The following CFAP61 variants were observed in gnomAD, a reference collection of about 807,000 sequenced individuals.
The protein encoded by CFAP61 is cilia- and flagella-associated protein 61.
CFAP61 carries 107 observed loss-of-function variants against 135.6 expected under a neutral mutation model. The observed-to-expected ratio is 0.79, with a 90% CI of 0.67 to 0.93. The LOEUF (loss-of-function observed/expected upper bound fraction) is 0.93. Among genes scored for constraint, CFAP61 ranks in the 40% least tolerant of loss-of-function variants. CFAP61 has a pLI of 0.00. For synonymous variants in CFAP61, 575 were observed against 578.5 expected, an observed-to-expected ratio of 0.99 and a Z score of 0.09; for missense variants, 1,507 against 1,556.2, an observed-to-expected ratio of 0.97 and a Z score of 0.53.
chr20:20,189,315 C>T (rs964143982), intron 14 of CFAP61, among the ~76,000 whole-genome samples: 1 of 152,100 alleles, frequency 6.6e-6, no homozygotes, highest in African/African-American at 2.4e-5. Context: ...TCCCTCCTGG[C>T]CCTCTAAGTG....
chr20:20,294,684 T>C (rs2055267368), intron 24 of CFAP61, among the ~76,000 whole-genome samples: 2 of 151,536 alleles, frequency 1.3e-5, no homozygotes, highest in East Asian at 1.9e-4. Context: ...ATCCCAGCAC[T>C]TTGGGAGGCC....
intron 8 of CFAP61, among the ~76,000 whole-genome samples, chr20:20,112,955 TG>T (rs2048898601): frequency 6.6e-6 from 1 of 152,192 alleles, no homozygotes; most frequent in South Asian, 2.1e-4. Flanking sequence ...TGATTTTCAT[TG>T]GGTGTGATTA....
intron 6 of CFAP61, among the ~76,000 whole-genome samples, chr20:20,086,305 A>C (rs1354516656): frequency 8.0e-6 from 1 of 125,388 alleles, no homozygotes; most frequent in Admixed American, 7.8e-5. Flanking sequence ...TCCTAATGCT[A>C]TCCCTCCCCC....
rs541470489 is a variant in CFAP61, at chr20:20,109,998, C to A, written c.859+11184C>A. 3.3e-5 allele frequency among the ~76,000 whole-genome samples: 5 copies of A among 152,094 alleles called. No homozygotes were observed. The South Asian group carries it at 6.2e-4, about 19-fold the overall frequency. ...CTCGGCTCACTGCAACCTCCGCCTC[C>A]CAGGTTCAAGTGATTCTCCTGTCTC... On this transcript the variant is annotated intron_variant, in intron 8 of 26. Coordinates refer to ENST00000245957, the MANE Select transcript of CFAP61 (RefSeq NM_015585.4).
intron 22 of CFAP61, among the ~76,000 whole-genome samples, chr20:20,277,986 A>G (rs779954227): frequency 2.0e-5 from 3 of 152,226 alleles, no homozygotes; most frequent in Non-Finnish European, 4.4e-5. Flanking sequence ...TCTGAAATCA[A>G]GCAGCATTCC....
At chr20:20,313,968 C>G (rs528692486) in intron 25 of CFAP61, among the ~76,000 whole-genome samples, 1 of 152,266 alleles carries the variant, frequency 6.6e-6, no homozygotes, top group South Asian at 2.1e-4. Context: ...TTCAGTTTCT[C>G]CAGAGCAAGT....
At chr20:20,144,176 G>A (rs1372160885) in intron 9 of CFAP61, among the ~76,000 whole-genome samples, 1 of 152,188 alleles carries the variant, frequency 6.6e-6, no homozygotes, top group Non-Finnish European at 1.5e-5. Context: ...CCACCAAGAT[G>A]AAATTCACAA....
chr20:20,274,738 C>A (rs559144629), intron 21 of CFAP61, among the ~76,000 whole-genome samples: 17 of 152,212 alleles, frequency 1.1e-4, no homozygotes, highest in African/African-American at 4.1e-4. Context: ...ATATTAATAA[C>A]TAGTTTTTAT....
At chr20:20,322,573 G>A (rs2057572334) in intron 25 of CFAP61, 1 of 470,098 alleles carries the variant, frequency 2.1e-6, no homozygotes. Context: ...TAGTAAGCCA[G>A]TGTAAAGGAG....
intron 8 of CFAP61, among the ~76,000 whole-genome samples, chr20:20,141,168 C>T (rs1173564621): frequency 6.6e-6 from 1 of 152,036 alleles, no homozygotes; most frequent in African/African-American, 2.4e-5. Flanking sequence ...TGATCCAACT[C>T]CCTTGGCCTC....
At chr20:20,127,128 T>G (rs1236422429) in intron 8 of CFAP61, among the ~76,000 whole-genome samples, 1 of 151,754 alleles carries the variant, frequency 6.6e-6, no homozygotes, top group Non-Finnish European at 1.5e-5. Context: ...ACTTCTTGTA[T>G]CGTTTTTTGG....
At chr20:20,272,366 C>G (rs2053423833) in intron 21 of CFAP61, among the ~76,000 whole-genome samples, 1 of 152,148 alleles carries the variant, frequency 6.6e-6, no homozygotes, top group Non-Finnish European at 1.5e-5. Context: ...GCAGAAGTTG[C>G]AGTGAGCCGA....
At chr20:20,082,330 C>T (rs1282396190) in intron 6 of CFAP61, among the ~76,000 whole-genome samples, 1 of 152,228 alleles carries the variant, frequency 6.6e-6, no homozygotes, top group African/African-American at 2.4e-5. Context: ...TGAATTAACA[C>T]TGTAATCCCC....
chr20:20,237,183 T>C (rs1277122318), intron 18 of CFAP61, among the ~76,000 whole-genome samples: 1 of 152,162 alleles, frequency 6.6e-6, no homozygotes, highest in Admixed American at 6.5e-5. Context: ...TAGCCCCTTA[T>C]CCTGGCCACC....
In CFAP61 at chr20:20,277,360, G is replaced by C; in HGVS notation, c.2698G>C (p.Asp900His). ...LGAAGVTMYR[D>H]AILAQWNDGL... Reference sequence around the variant, plus strand: ...AGCCGCCGGAGTCACTATGTACCGGGATGCGATCCTGGCCCAGTGGAATGA... The same window carrying C: ...AGCCGCCGGAGTCACTATGTACCGGCATGCGATCCTGGCCCAGTGGAATGA... The change falls in exon 22 of 27, where the codon GAT (aspartate) becomes CAT (histidine). Residue 900 changes from aspartate to histidine, a missense_variant. Transcript: ENST00000245957. 1.9e-6 allele frequency: 3 copies of C among 1,614,146 alleles called. No individual in the cohort carries two copies. The highest frequency in any genetic ancestry group is 2.5e-6 in the Non-Finnish European group (3 of 1,180,034).
intron 18 of CFAP61, among the ~76,000 whole-genome samples, chr20:20,233,742 A>G (rs745935505): frequency 2.0e-5 from 3 of 152,242 alleles, no homozygotes; most frequent in Non-Finnish European, 4.4e-5. Context: ...AATGTTAAAT[A>G]AAAGCACCTT....
At chr20:20,343,099 C>T (rs1473991636) in intron 26 of CFAP61, among the ~76,000 whole-genome samples, 5 of 152,160 alleles carry the variant, frequency 3.3e-5, no homozygotes, top group East Asian at 1.9e-4. Context: ...TCAGGTGATC[C>T]GCCCGCCTCG....
rs1357372591 is a variant in CFAP61 at position 20,314,918 on chromosome 20, T to C, written c.3422+16532T>C. Among the ~76,000 whole-genome samples the C allele has an allele frequency of 8.4e-5, 11 of 131,256 alleles. No individual in the cohort carries two copies. In the East Asian group the frequency reaches 2.3e-3, roughly 27 times the overall value. The allele number at this position is 131,256 out of a possible 152,430, so 86.1% of individuals were successfully genotyped here. A position where few individuals can be genotyped will look rare whatever the true frequency, so the allele number is the denominator to read the frequency against. On this transcript the variant is annotated intron_variant, in intron 25 of 26. Transcript: ENST00000245957. ...TCCATGGTGTATATGTGCCACATTT[T>C]CTTAATCCAGTCTATCATTGTTGGA...
intron 26 of CFAP61, among the ~76,000 whole-genome samples, chr20:20,342,202 C>T: frequency 6.6e-6 from 1 of 152,180 alleles, no homozygotes; most frequent in African/African-American, 2.4e-5. Flanking sequence ...AAAACTGAAT[C>T]TGAGTTGCAT....
Sources: allele counts gnomAD v4.1 joint callset (sites outside exome capture counted in the v4.1 genomes callset), GRCh38; gene constraint gnomAD v4.1.1; transcripts MANE v1.5; gene names NCBI Gene and HGNC (gene_info 2026-07-23, HGNC 2026-07-21).